Variants in MAPK10 observed in about 807,000 individuals in gnomAD.
MAPK10 encodes mitogen-activated protein kinase 10.
In MAPK10, 25 loss-of-function variants were observed where a neutral mutation model predicts 59.3. That is an observed-to-expected ratio of 0.42 (90% CI 0.31 to 0.59). MAPK10 has a LOEUF of 0.59. Among genes scored for constraint, MAPK10 ranks in the 20% least tolerant of loss-of-function variants. The probability of loss-of-function intolerance (pLI) is 0.15; values close to 1 mark genes in which losing one functional copy is unlikely to be tolerated. For synonymous variants in MAPK10, 190 were observed against 200.5 expected (o/e 0.95, Z 0.44); for missense variants, 351 against 568.9 (o/e 0.62, Z 3.90).
At chr4:86,238,355 T>C (rs2092444720) in intron 2 of MAPK10, among the ~76,000 whole-genome samples, 1 of 152,230 alleles carries the variant, frequency 6.6e-6, no homozygotes, top group Non-Finnish European at 1.5e-5. Flanking sequence ...ATATGAAATT[T>C]AAAATAGTTT....
intron 4 of MAPK10, among the ~76,000 whole-genome samples, chr4:86,131,291 C>G (rs1244068378): frequency 6.6e-6 from 1 of 152,232 alleles, no homozygotes; most frequent in African/African-American, 2.4e-5. Flanking sequence ...TTTTTATTAT[C>G]TAGCTAACAG....
chr4:86,179,895 C>A (rs528756863), intron 3 of MAPK10, among the ~76,000 whole-genome samples: 1 of 151,790 alleles, frequency 6.6e-6, no homozygotes, highest in African/African-American at 2.4e-5. Flanking sequence ...TAGAAGAAGA[C>A]ATAGGGAATA....
intron 4 of MAPK10, among the ~76,000 whole-genome samples, chr4:86,132,680 T>G (rs1012742814): frequency 1.3e-5 from 2 of 152,184 alleles, no homozygotes; most frequent in Non-Finnish European, 2.9e-5. Flanking sequence ...CAACCTGAGC[T>G]CTGTCCCCTG....
chr4:86,328,451 C>G (rs1191736824), intron 2 of MAPK10, among the ~76,000 whole-genome samples: 1 of 152,092 alleles, frequency 6.6e-6, no homozygotes, highest in African/African-American at 2.4e-5. Context: ...GGCGATTCCT[C>G]AAGGATCTAG....
At chr4:86,567,203 G>C (rs1578136255) in intron 1 of MAPK10, among the ~76,000 whole-genome samples, 2 of 151,582 alleles carry the variant, frequency 1.3e-5, no homozygotes, top group East Asian at 3.9e-4. Flanking sequence ...TGAAAACTCA[G>C]TATGAAATAT....
intron 2 of MAPK10, among the ~76,000 whole-genome samples, chr4:86,199,360 T>A (rs2082104202): frequency 6.6e-6 from 1 of 152,070 alleles, no homozygotes; most frequent in Non-Finnish European, 1.5e-5. Context: ...CATATAGCAA[T>A]GAAATAGTTG....
intron 4 of MAPK10, among the ~76,000 whole-genome samples, chr4:86,157,181 A>G (rs777007319): frequency 2.9e-4 from 44 of 152,120 alleles, no homozygotes; most frequent in Non-Finnish European, 4.3e-4. Flanking sequence ...AAAGATTGTA[A>G]AAACCCAATA....
At chr4:86,227,289 C>T (rs1050035323) in intron 2 of MAPK10, among the ~76,000 whole-genome samples, 1 of 151,982 alleles carries the variant, frequency 6.6e-6, no homozygotes, top group Non-Finnish European at 1.5e-5. Flanking sequence ...AGATCGAGAC[C>T]ATCCTGGCTA....
upstream of MAPK10, among the ~76,000 whole-genome samples, chr4:86,456,789 C>T (rs769410364): frequency 1.3e-5 from 2 of 152,128 alleles, no homozygotes; most frequent in East Asian, 1.9e-4. Context: ...AAAAGGGAAT[C>T]CTCCCTAAAT....
In MAPK10 at chr4:86,331,582, C is replaced by T. The variant is rs553195671; in HGVS notation, c.-7+22948G>A. On this transcript the variant is annotated intron_variant, in intron 2 of 13. Transcript: ENST00000641462. ...TACTAAGCTTAGGATGTGAGCAGCG[C>T]ACCATGAGAGCACAAGGTGTTCCTT... is the stretch of plus-strand genomic sequence containing the variant. Among the ~76,000 whole-genome samples, 5 of 152,252 alleles carry T rather than the reference C, an allele frequency of 3.3e-5. No individual in the cohort carries two copies. In the South Asian group the frequency reaches 1.0e-3, roughly 32 times the overall value.
chr4:86,543,033 G>A (rs113368122), intron 1 of MAPK10, among the ~76,000 whole-genome samples: 76 of 152,268 alleles, frequency 5.0e-4, no homozygotes, highest in African/African-American at 1.7e-3. Flanking sequence ...GGCAAGGAAG[G>A]TTCACGTATA....
intron 4 of MAPK10, among the ~76,000 whole-genome samples, chr4:86,150,163 T>C (rs767346996): frequency 2.0e-5 from 3 of 152,224 alleles, no homozygotes; most frequent in Non-Finnish European, 4.4e-5. Flanking sequence ...TCAATGGGGC[T>C]GAAGGCCATT....
At chr4:86,339,889 C>T (rs950453790) in intron 2 of MAPK10, among the ~76,000 whole-genome samples, 1 of 152,194 alleles carries the variant, frequency 6.6e-6, no homozygotes, top group Non-Finnish European at 1.5e-5. Flanking sequence ...ATGCTAAGTG[C>T]TTCCCATTTA....
At chr4:86,275,966 C>G (rs2094564525) in intron 2 of MAPK10, among the ~76,000 whole-genome samples, 1 of 152,020 alleles carries the variant, frequency 6.6e-6, no homozygotes, top group African/African-American at 2.4e-5. Context: ...AGCCATGTCT[C>G]CCTAAACTTT....
intron 1 of MAPK10, among the ~76,000 whole-genome samples, chr4:86,574,878 G>A (rs192065260): frequency 3.0e-4 from 46 of 152,164 alleles, no homozygotes; most frequent in Admixed American, 5.9e-4. Flanking sequence ...GCTCTAAACA[G>A]GGCAGTTAAT....
At chr4:86,360,260 G>T, upstream of MAPK10, 1 of 959,630 alleles carries the variant, frequency 1.0e-6, no homozygotes, top group Non-Finnish European at 1.2e-6. Flanking sequence ...AAGGTTCGTC[G>T]GCAGCCAACA....
intron 1 of MAPK10, among the ~76,000 whole-genome samples, chr4:86,407,920 ATACTT>A (rs1259427476): frequency 2.0e-5 from 3 of 152,066 alleles, no homozygotes; most frequent in African/African-American, 7.3e-5. Context: ...TATTACTATT[ATACTT>A]TAAGTTCTAG....
chr4:86,332,046 TCA>T (rs1156660268), intron 2 of MAPK10, among the ~76,000 whole-genome samples: 1 of 152,196 alleles, frequency 6.6e-6, no homozygotes, highest in Non-Finnish European at 1.5e-5. Context: ...GCAGATAATC[TCA>T]CACTTTTTTG....
intron 1 of MAPK10, among the ~76,000 whole-genome samples, chr4:86,375,867 C>T (rs1739727135): frequency 6.6e-6 from 1 of 151,934 alleles, no homozygotes; most frequent in Non-Finnish European, 1.5e-5. Flanking sequence ...CTGTAATGAA[C>T]TCTGTGAACT....
Sources: gnomAD v4.1 joint callset for allele counts (sites outside exome capture counted in the v4.1 genomes callset) on GRCh38, gnomAD v4.1.1 for gene constraint, MANE v1.5 for transcripts, NCBI Gene and HGNC (gene_info 2026-07-23, HGNC 2026-07-21) for gene names.